The following JMJD1C variants were observed in gnomAD, a reference collection of about 807,000 sequenced individuals.
JMJD1C encodes jumonji domain-containing protein 1C.
A neutral mutation model predicts 245.3 loss-of-function variants in JMJD1C; 31 were observed. That is an observed-to-expected ratio of 0.13 (90% CI 0.09 to 0.17). The LOEUF is 0.17. Among genes scored for constraint, JMJD1C ranks in the 10% least tolerant of loss-of-function variants. JMJD1C has a pLI of 1.00. For synonymous variants in JMJD1C, 1,057 were observed against 1,017.4 expected, an observed-to-expected ratio of 1.04 and a Z score of -0.74; for missense variants, 2,691 against 3,000.2, an observed-to-expected ratio of 0.90 and a Z score of 2.41.
intron 1 of JMJD1C, among the ~76,000 whole-genome samples, chr10:63,386,767 T>A (rs1403397473): frequency 6.6e-6 from 1 of 152,160 alleles, no homozygotes; most frequent in African/African-American, 2.4e-5. Flanking sequence ...ACATCAACTA[T>A]GCCACGCCTA....
At chr10:63,339,725 A>G (rs1372609242) in intron 2 of JMJD1C, among the ~76,000 whole-genome samples, 1 of 152,260 alleles carries the variant, frequency 6.6e-6, no homozygotes, top group Non-Finnish European at 1.5e-5. Flanking sequence ...CAGGAGTTTA[A>G]GACCAGCCTG....
At chr10:63,229,953 C>G (rs936404073) in intron 3 of JMJD1C, among the ~76,000 whole-genome samples, 1 of 152,144 alleles carries the variant, frequency 6.6e-6, no homozygotes, top group Non-Finnish European at 1.5e-5. Context: ...AATTAACATA[C>G]TGGTAAGCAT....
chr10:63,349,502 G>A (rs913153565), intron 2 of JMJD1C, among the ~76,000 whole-genome samples: 1 of 152,190 alleles, frequency 6.6e-6, no homozygotes, highest in Non-Finnish European at 1.5e-5. Flanking sequence ...TGTCCTCAAA[G>A]TGCTTATAGA....
At chr10:63,335,457 T>A (rs1942627588) in intron 2 of JMJD1C, among the ~76,000 whole-genome samples, 1 of 152,218 alleles carries the variant, frequency 6.6e-6, no homozygotes, top group South Asian at 2.1e-4. Context: ...CCAAATATAA[T>A]TCCCCTTAAA....
intron 1 of JMJD1C, among the ~76,000 whole-genome samples, chr10:63,395,171 C>T (rs7919929): frequency 0.021 from 3,256 of 152,016 alleles, 121 homozygotes; most frequent in African/African-American, 0.073. Context: ...TACTACTACA[C>T]ATCTATTAGA....
At chr10:63,440,962 TG>T (rs2047540575) in intron 1 of JMJD1C, among the ~76,000 whole-genome samples, 1 of 152,182 alleles carries the variant, frequency 6.6e-6, no homozygotes, top group African/African-American at 2.4e-5. Flanking sequence ...CAACCTACTA[TG>T]AAGTCACTAA....
chr10:63,243,120 T>TATATATATATATAA (rs1564668876), intron 3 of JMJD1C, among the ~76,000 whole-genome samples: 1 of 86,646 alleles, frequency 1.2e-5, no homozygotes, highest in South Asian at 3.8e-4. Flanking sequence ...TATATATATA[T>TATATATATATATAA]ATATAAATAT....
At chr10:63,399,266 T>C (rs1304327007) in intron 1 of JMJD1C, among the ~76,000 whole-genome samples, 2 of 152,212 alleles carry the variant, frequency 1.3e-5, no homozygotes, top group Non-Finnish European at 2.9e-5. Context: ...TAATAGCTTC[T>C]TTGATTCTGG....
At position 63,388,683 on chromosome 10, in the gene JMJD1C, T is replaced by C. The variant is rs7096939; in HGVS notation, c.169-8201A>G. 3.7e-3 allele frequency among the ~76,000 whole-genome samples: 557 copies of C among 152,050 alleles called. 4 individuals are homozygous for C. The highest frequency in any genetic ancestry group is 0.012 in the African/African-American group (481 of 41,476). On this transcript the variant is annotated intron_variant, in intron 1 of 25. Coordinates refer to ENST00000399262, the MANE Select transcript of JMJD1C (RefSeq NM_032776.3). ...CACAAAACAACCAGAAATTAAGTAA[T>C]AGAATAACAGGAATAAGCCCTCACA...
chr10:63,275,596 C>A (rs1856701763), intron 2 of JMJD1C, among the ~76,000 whole-genome samples: 1 of 151,852 alleles, frequency 6.6e-6, no homozygotes, highest in Non-Finnish European at 1.5e-5. Flanking sequence ...ACTTTTATTT[C>A]TGTCAAGAAA....
chr10:63,403,714 G>A (rs561756781), intron 1 of JMJD1C, among the ~76,000 whole-genome samples: 1 of 152,264 alleles, frequency 6.6e-6, no homozygotes, highest in South Asian at 2.1e-4. Context: ...CAAGGCAGGC[G>A]GATCACAAGG....
Position 63,214,452 on chromosome 10 carries a change from A to C in JMJD1C, c.1715T>G (p.Val572Gly). The C allele has an allele frequency of 6.2e-7, 1 of 1,613,980 alleles. No homozygotes were observed. Among genetic ancestry groups the C allele is most frequent in the African/African-American group, 1.3e-5 (1 of 75,062 alleles). ...TGTAACACTTGATTGGGTTAGATCC[A>C]CTTTAACTACATCACTGACCCAGCT... ...DQSWVSDVVK[V>G]DLTQSSVTNA... The change falls in exon 8 of 26, where the codon GTG becomes GGG. Residue 572 changes from valine to glycine, a missense_variant. By Grantham distance (109) the Val-to-Gly change is moderately radical (BLOSUM62 -3). Around this residue, in one of 9 missense-constraint regions of JMJD1C, gnomAD observed 1,562 missense variants for 1,490.7 expected, o/e 1.05. Transcript: ENST00000399262.
At chr10:63,347,623 A>T (rs895434196) in intron 2 of JMJD1C, among the ~76,000 whole-genome samples, 3 of 150,950 alleles carry the variant, frequency 2.0e-5, no homozygotes, top group African/African-American at 7.3e-5. Context: ...AGAAAAAAAG[A>T]AATTACAGGG....
chr10:63,512,501 A>T (rs1954900433), intron 1 of JMJD1C, among the ~76,000 whole-genome samples: 1 of 152,142 alleles, frequency 6.6e-6, no homozygotes, highest in Admixed American at 6.5e-5. Context: ...CTTTCTCTCA[A>T]CACTAAATAT....
At chr10:63,456,594 T>C (rs910367760) in intron 1 of JMJD1C, among the ~76,000 whole-genome samples, 1 of 152,124 alleles carries the variant, frequency 6.6e-6, no homozygotes, top group African/African-American at 2.4e-5. Context: ...CTCCTAAGTG[T>C]CAGTCTTTCA....
At chr10:63,351,147 C>T (rs1351679631) in intron 2 of JMJD1C, among the ~76,000 whole-genome samples, 1 of 144,472 alleles carries the variant, frequency 6.9e-6, no homozygotes, top group African/African-American at 2.6e-5. Context: ...GGTGAGATCT[C>T]GGCCCACTGC....
chr10:63,377,805 A>C (rs973792254), intron 2 of JMJD1C, among the ~76,000 whole-genome samples: 1 of 151,724 alleles, frequency 6.6e-6, no homozygotes, highest in African/African-American at 2.4e-5. Context: ...CCAAGGTGGG[A>C]GGATCTTTTT....
chr10:63,452,939 A>C (rs963896713), intron 1 of JMJD1C, among the ~76,000 whole-genome samples: 2 of 152,224 alleles, frequency 1.3e-5, no homozygotes, highest in African/African-American at 4.8e-5. Context: ...GATAATTTCA[A>C]AATATTGTTA....
At chr10:63,301,799 C>G in intron 2 of JMJD1C, 1 of 412,150 alleles carries the variant, frequency 2.4e-6, no homozygotes, top group South Asian at 1.7e-5. Context: ...CATATGTATC[C>G]CAGAACTTAA....
Sources: allele counts gnomAD v4.1 joint callset (sites outside exome capture counted in the v4.1 genomes callset), GRCh38; gene constraint gnomAD v4.1.1; regional missense constraint gnomAD v4.1.1; transcripts MANE v1.5; gene names NCBI Gene and HGNC (gene_info 2026-07-23, HGNC 2026-07-21).